Variants in COX7B2 observed in about 807,000 individuals in gnomAD.
COX7B2 encodes the protein cytochrome c oxidase subunit 7B2.
For missense variants in COX7B2, 109 were observed against 95.9 expected (o/e 1.14, Z -0.57); for synonymous variants, 37 against 32.1 (o/e 1.15, Z -0.51).
At chr4:46,882,720 A>G (rs369140084) in intron 1 of COX7B2, among the ~76,000 whole-genome samples, 4 of 152,304 alleles carry the variant, frequency 2.6e-5, no homozygotes, top group African/African-American at 9.6e-5. Context: ...AGGACAGCAT[A>G]CTACTGGTTG....
intron 2 of COX7B2, among the ~76,000 whole-genome samples, chr4:46,743,327 A>G (rs1244883393): frequency 6.6e-6 from 1 of 152,168 alleles, no homozygotes; most frequent in African/African-American, 2.4e-5. Flanking sequence ...GGGCAAGATC[A>G]CAATTACTTT....
At chr4:46,907,030 C>A (rs1277616427) in intron 1 of COX7B2, among the ~76,000 whole-genome samples, 1 of 152,150 alleles carries the variant, frequency 6.6e-6, no homozygotes. Context: ...TAACGTCATC[C>A]CTTAACAGTG....
chr4:46,754,760 C>T (rs540532565), intron 2 of COX7B2, among the ~76,000 whole-genome samples: 1,467 of 51,168 alleles, frequency 0.029, 37 homozygotes, highest in Middle Eastern at 0.12. Context: ...GAAAGAAATC[C>T]AGAATAGGCC....
At chr4:46,810,845 C>A (rs1038121800) in intron 2 of COX7B2, among the ~76,000 whole-genome samples, 3 of 152,126 alleles carry the variant, frequency 2.0e-5, no homozygotes, top group Admixed American at 6.5e-5. Flanking sequence ...GTAATAAATT[C>A]TCTTGGCTTA....
At chr4:46,758,398 T>G (rs1014579853) in intron 2 of COX7B2, among the ~76,000 whole-genome samples, 6 of 152,122 alleles carry the variant, frequency 3.9e-5, no homozygotes, top group African/African-American at 7.2e-5. Context: ...AGGAGTTAGA[T>G]GATAGTCAAT....
chr4:46,773,284 A>G (rs1716979369), intron 2 of COX7B2, among the ~76,000 whole-genome samples: 1 of 152,124 alleles, frequency 6.6e-6, no homozygotes, highest in South Asian at 2.1e-4. Flanking sequence ...TAACTGAATC[A>G]TGGGGGCAGT....
rs1716020620 is a variant in COX7B2, at chr4:46,842,766, G to A, written c.-50+2194C>T. ...TTATGGCTGCATAGTATTCCATGGT[G>A]TATATGTGCCACATTTTCTTAATCC... On this transcript the variant is annotated intron_variant, in intron 2 of 2. Transcript: ENST00000355591. Among the ~76,000 whole-genome samples the A allele has an allele frequency of 4.6e-5, 7 of 152,086 alleles. 1 individual carries two copies. Among genetic ancestry groups the A allele is most frequent in the Admixed American group, 4.6e-4 (7 of 15,262 alleles).
At chr4:46,801,465 A>C (rs1485358533) in intron 2 of COX7B2, among the ~76,000 whole-genome samples, 1 of 152,158 alleles carries the variant, frequency 6.6e-6, no homozygotes, top group African/African-American at 2.4e-5. Context: ...TATCCTAGCA[A>C]TTAACACAGG....
At chr4:46,741,466 C>T (rs1197735367) in intron 2 of COX7B2, among the ~76,000 whole-genome samples, 1 of 152,012 alleles carries the variant, frequency 6.6e-6, no homozygotes, top group Non-Finnish European at 1.5e-5. Flanking sequence ...AAAATCATTC[C>T]CAGTTCAGAA....
At chr4:46,818,889 C>T (rs1714051122) in intron 2 of COX7B2, among the ~76,000 whole-genome samples, 1 of 152,206 alleles carries the variant, frequency 6.6e-6, no homozygotes, top group Non-Finnish European at 1.5e-5. Flanking sequence ...GCATGAATTA[C>T]TTATTTGGCT....
chr4:46,846,056 C>T (rs1343864852), intron 1 of COX7B2, among the ~76,000 whole-genome samples: 3 of 151,972 alleles, frequency 2.0e-5, no homozygotes, highest in African/African-American at 7.2e-5. Context: ...CTAGTGCCAA[C>T]TGAAGATGCT....
intron 2 of COX7B2, among the ~76,000 whole-genome samples, chr4:46,736,044 T>C (rs114336100): frequency 6.6e-6 from 1 of 152,206 alleles, no homozygotes; most frequent in African/African-American, 2.4e-5. Flanking sequence ...AGTCCATAGT[T>C]TACATGAAGG....
At chr4:46,908,824 G>C (rs1259835692) in intron 1 of COX7B2, among the ~76,000 whole-genome samples, 6 of 151,440 alleles carry the variant, frequency 4.0e-5, no homozygotes, top group Admixed American at 1.3e-4. Flanking sequence ...GGTGGATCAC[G>C]AGGTCAGGAG....
intron 1 of COX7B2, among the ~76,000 whole-genome samples, chr4:46,901,420 C>T (rs1318948800): frequency 6.6e-6 from 1 of 152,168 alleles, no homozygotes; most frequent in African/African-American, 2.4e-5. Context: ...CAGTCCTACA[C>T]AAGTTCTAAA....
At chr4:46,779,501 T>A (rs1241633640) in intron 2 of COX7B2, among the ~76,000 whole-genome samples, 3 of 152,338 alleles carry the variant, frequency 2.0e-5, no homozygotes, top group Non-Finnish European at 2.9e-5. Flanking sequence ...ATATTTAATA[T>A]CTTTTCAAAA....
At chr4:46,773,663 C>T (rs1306336824) in intron 2 of COX7B2, among the ~76,000 whole-genome samples, 1 of 152,112 alleles carries the variant, frequency 6.6e-6, no homozygotes, top group Non-Finnish European at 1.5e-5. Context: ...AAATCATGTT[C>T]AACTTGACTG....
At chr4:46,747,586 G>A (rs1353278505) in intron 2 of COX7B2, among the ~76,000 whole-genome samples, 1 of 152,088 alleles carries the variant, frequency 6.6e-6, no homozygotes, top group Non-Finnish European at 1.5e-5. Context: ...ACAAGCATGA[G>A]CCACTGTGGC....
At chr4:46,856,026 T>G (rs1716991316) in intron 1 of COX7B2, among the ~76,000 whole-genome samples, 1 of 152,060 alleles carries the variant, frequency 6.6e-6, no homozygotes, top group Admixed American at 6.6e-5. Flanking sequence ...GGTTTATCAC[T>G]TGAGGTCAGG....
chr4:46,848,658 A>T (rs1716455594), intron 1 of COX7B2, among the ~76,000 whole-genome samples: 1 of 152,086 alleles, frequency 6.6e-6, no homozygotes, highest in Non-Finnish European at 1.5e-5. Context: ...AGTAGGATTT[A>T]AAAAATAGCG....
Sources: gnomAD v4.1 joint callset for allele counts (sites outside exome capture counted in the v4.1 genomes callset) on GRCh38, gnomAD v4.1.1 for gene constraint, MANE v1.5 for transcripts, NCBI Gene and HGNC (gene_info 2026-07-23, HGNC 2026-07-21) for gene names.